The following KCNIP1 variants were observed in gnomAD, a reference collection of about 807,000 sequenced individuals.
KCNIP1 encodes potassium voltage-gated channel interacting protein 1.
KCNIP1 carries 18 observed loss-of-function variants against 33.0 expected under a neutral mutation model. The ratio of observed to expected loss-of-function variants is 0.55; its 90% CI spans 0.38 to 0.81. KCNIP1 has a LOEUF of 0.81. Ranked by LOEUF, KCNIP1 falls within the 30% of genes least tolerant of loss-of-function variation. KCNIP1 has a pLI of 0.00. For missense variants in KCNIP1, 238 were observed against 271.6 expected, an observed-to-expected ratio of 0.88 and a Z score of 0.87; for synonymous variants, 93 against 98.3, an observed-to-expected ratio of 0.95 and a Z score of 0.32.
At chr5:170,380,988 C>T (rs1764216349) in intron 1 of KCNIP1, among the ~76,000 whole-genome samples, 1 of 152,180 alleles carries the variant, frequency 6.6e-6, no homozygotes, top group South Asian at 2.1e-4. Flanking sequence ...GTGGAAGATG[C>T]TATTATTAAT....
intron 1 of KCNIP1, among the ~76,000 whole-genome samples, chr5:170,569,725 C>T (rs535325336): frequency 6.6e-6 from 1 of 152,028 alleles, no homozygotes; most frequent in South Asian, 2.1e-4. Flanking sequence ...GCCTGGGAGA[C>T]AGAACGAAGC....
At chr5:170,614,682 G>A (rs2113625295) in intron 1 of KCNIP1, among the ~76,000 whole-genome samples, 1 of 152,276 alleles carries the variant, frequency 6.6e-6, no homozygotes, top group African/African-American at 2.4e-5. Flanking sequence ...TATCAGATTT[G>A]GAGGGAGAGA....
intron 1 of KCNIP1, among the ~76,000 whole-genome samples, chr5:170,367,322 A>G (rs1581113986): frequency 6.9e-6 from 1 of 144,476 alleles, no homozygotes; most frequent in Non-Finnish European, 1.5e-5. Flanking sequence ...CTCAAAAAAA[A>G]AGAAGAAAGA....
At chr5:170,608,665 G>A (rs371588181) in intron 1 of KCNIP1, among the ~76,000 whole-genome samples, 2 of 152,132 alleles carry the variant, frequency 1.3e-5, no homozygotes, top group East Asian at 1.9e-4. Flanking sequence ...CCAGCGACTC[G>A]GGAGGCTGAG....
intron 5 of KCNIP1, among the ~76,000 whole-genome samples, chr5:170,730,998 A>C (rs1033870734): frequency 6.6e-6 from 1 of 152,252 alleles, no homozygotes; most frequent in Admixed American, 6.5e-5. Flanking sequence ...AACTGAATAC[A>C]TAAATAAATG....
At chr5:170,358,120 A>G (rs1393782681) in intron 1 of KCNIP1, among the ~76,000 whole-genome samples, 1 of 152,128 alleles carries the variant, frequency 6.6e-6, no homozygotes, top group African/African-American at 2.4e-5. Context: ...TGCAGGCTCC[A>G]TTCTGGCTGG....
intron 1 of KCNIP1, among the ~76,000 whole-genome samples, chr5:170,564,363 C>T (rs1250412108): frequency 2.0e-5 from 3 of 152,188 alleles, no homozygotes; most frequent in African/African-American, 7.2e-5. Context: ...GGAAGGCAAA[C>T]TGACTACAAC....
At chr5:170,534,401 G>C (rs1238393330) in intron 1 of KCNIP1, among the ~76,000 whole-genome samples, 2 of 151,994 alleles carry the variant, frequency 1.3e-5, no homozygotes, top group Admixed American at 6.6e-5. Flanking sequence ...AGCAGTGATT[G>C]CACCACTGTA....
At chr5:170,631,363 G>A (rs1205861257) in intron 1 of KCNIP1, among the ~76,000 whole-genome samples, 1 of 152,184 alleles carries the variant, frequency 6.6e-6, no homozygotes, top group Non-Finnish European at 1.5e-5. Context: ...TGAGGGTGCA[G>A]CTGCTGTCCA....
intron 1 of KCNIP1, among the ~76,000 whole-genome samples, chr5:170,448,127 A>T (rs1756162029): frequency 1.3e-5 from 2 of 152,018 alleles, no homozygotes; most frequent in African/African-American, 4.8e-5. Context: ...ACAGAAGTGC[A>T]TCTATTTCAT....
intron 1 of KCNIP1, among the ~76,000 whole-genome samples, chr5:170,446,516 A>G (rs1188364323): frequency 6.6e-6 from 1 of 152,098 alleles, no homozygotes; most frequent in Non-Finnish European, 1.5e-5. Context: ...AGGCTAAAGT[A>G]CATTGGTGCA....
At chr5:170,535,798 A>C (rs1755961855) in intron 1 of KCNIP1, among the ~76,000 whole-genome samples, 2 of 152,238 alleles carry the variant, frequency 1.3e-5, no homozygotes, top group Non-Finnish European at 2.9e-5. Context: ...TGAGGGAAAA[A>C]GTTCTGATTG....
At chr5:170,638,639 C>T (rs1760396312) in intron 1 of KCNIP1, among the ~76,000 whole-genome samples, 2 of 152,128 alleles carry the variant, frequency 1.3e-5, no homozygotes, top group Admixed American at 1.3e-4. Context: ...CCCTGCTCTT[C>T]GTTAGACCTC....
intron 1 of KCNIP1, among the ~76,000 whole-genome samples, chr5:170,692,571 T>A (rs998616094): frequency 6.6e-6 from 1 of 152,222 alleles, no homozygotes; most frequent in East Asian, 1.9e-4. Context: ...ACTTACTCCC[T>A]GTGTGACCCT....
At chr5:170,643,408 A>T (rs181484662) in intron 1 of KCNIP1, among the ~76,000 whole-genome samples, 84 of 152,344 alleles carry the variant, frequency 5.5e-4, no homozygotes, top group Non-Finnish European at 1.1e-3. Context: ...AAACCAAAAC[A>T]CCAGGATTAT....
intron 1 of KCNIP1, among the ~76,000 whole-genome samples, chr5:170,507,498 C>T (rs1482808419): frequency 1.3e-5 from 2 of 152,134 alleles, no homozygotes; most frequent in Admixed American, 1.3e-4. Flanking sequence ...ATCTGAGAGC[C>T]TTAACAGCTC....
At chr5:170,552,529 G>T (rs1275971989) in intron 1 of KCNIP1, among the ~76,000 whole-genome samples, 1 of 152,160 alleles carries the variant, frequency 6.6e-6, no homozygotes, top group Non-Finnish European at 1.5e-5. Context: ...TGTCTAAGGA[G>T]GTGGCGTTTG....
intron 7 of KCNIP1, 37 bp from the exon 8 acceptor site, chr5:170,735,722 T>C (rs918456288): frequency 6.3e-7 from 1 of 1,588,240 alleles, no homozygotes; most frequent in Non-Finnish European, 8.6e-7. Flanking sequence ...GGGAGGAGAC[T>C]CAGAGTTCTA....
intron 1 of KCNIP1, among the ~76,000 whole-genome samples, chr5:170,437,281 G>A (rs1044778366): frequency 2.0e-5 from 3 of 152,174 alleles, no homozygotes; most frequent in Non-Finnish European, 4.4e-5. Context: ...TTTATGGCCT[G>A]CTTCAGGGGA....
Sources: allele counts gnomAD v4.1 joint callset (sites outside exome capture counted in the v4.1 genomes callset), GRCh38; gene constraint gnomAD v4.1.1; transcripts MANE v1.5; gene names NCBI Gene and HGNC (gene_info 2026-07-23, HGNC 2026-07-21).